Variants in CSMD3 observed in about 807,000 individuals in gnomAD.
The protein encoded by CSMD3 is CUB and Sushi multiple domains 3.
A neutral mutation model predicts 435.2 loss-of-function variants in CSMD3; 177 were observed. The ratio of observed to expected loss-of-function variants is 0.41; its 90% CI spans 0.36 to 0.46. CSMD3 has a LOEUF of 0.46. CSMD3 is among the 20% of genes least tolerant of loss of function. CSMD3 has a pLI of 0.34. For synonymous variants in CSMD3, 1,656 were observed against 1,520.5 expected (o/e 1.09, Z -2.07); for missense variants, 4,265 against 4,504.6 (o/e 0.95, Z 1.52).
intron 13 of CSMD3, among the ~76,000 whole-genome samples, chr8:112,717,112 T>C (rs1587061946): frequency 6.6e-6 from 1 of 152,062 alleles, no homozygotes; most frequent in Non-Finnish European, 1.5e-5. Flanking sequence ...CAAAAGAAAC[T>C]ATCATCAGAG....
chr8:112,549,946 TA>T (rs1318831036), intron 27 of CSMD3, among the ~76,000 whole-genome samples: 1 of 151,998 alleles, frequency 6.6e-6, no homozygotes, highest in Admixed American at 6.6e-5. Context: ...ACTATACAGA[TA>T]AAAAATCTAT....
chr8:112,350,864 C>A (rs1826076063), intron 40 of CSMD3, among the ~76,000 whole-genome samples: 2 of 151,822 alleles, frequency 1.3e-5, no homozygotes, highest in South Asian at 4.1e-4. Context: ...TTTTTCTGTT[C>A]AATAGATATA....
chr8:113,042,052 T>C (rs2087642962), intron 5 of CSMD3, among the ~76,000 whole-genome samples: 1 of 152,228 alleles, frequency 6.6e-6, no homozygotes, highest in Non-Finnish European at 1.5e-5. Flanking sequence ...AATTTTAATA[T>C]GTATCTACAA....
chr8:113,019,029 T>C (rs1384921016), intron 6 of CSMD3, 38 bp downstream of exon 6: 2 of 1,278,400 alleles, frequency 1.6e-6, no homozygotes, highest in East Asian at 2.3e-5. Flanking sequence ...AAAATTATTT[T>C]ACATATCAAA....
chr8:112,588,834 G>T (rs1830945494), intron 22 of CSMD3, among the ~76,000 whole-genome samples: 2 of 152,014 alleles, frequency 1.3e-5, no homozygotes, highest in Admixed American at 1.3e-4. Context: ...TCCATATAGT[G>T]CAACATAATG....
intron 63 of CSMD3, among the ~76,000 whole-genome samples, chr8:112,248,645 G>A (rs1351674443): frequency 6.6e-6 from 1 of 152,052 alleles, no homozygotes; most frequent in African/African-American, 2.4e-5. Flanking sequence ...CCCCTCTTGA[G>A]CGGACAATAA....
intron 1 of CSMD3, among the ~76,000 whole-genome samples, chr8:113,329,803 G>T (rs1448430210): frequency 1.3e-5 from 2 of 151,814 alleles, no homozygotes; most frequent in African/African-American, 4.8e-5. Context: ...ATGTTTAAAG[G>T]AATGAAACAA....
intron 3 of CSMD3, among the ~76,000 whole-genome samples, chr8:113,195,812 T>TACAC (rs1399362220): frequency 4.3e-4 from 60 of 139,548 alleles, no homozygotes; most frequent in African/African-American, 1.4e-3. Context: ...TATATATATA[T>TACAC]ATACACACAC....
intron 10 of CSMD3, among the ~76,000 whole-genome samples, chr8:112,920,564 A>G (rs2082703239): frequency 6.6e-6 from 1 of 151,906 alleles, no homozygotes; most frequent in Non-Finnish European, 1.5e-5. Flanking sequence ...CCTCAATGAT[A>G]TGGTTCTTGC....
intron 22 of CSMD3, among the ~76,000 whole-genome samples, chr8:112,613,317 T>G (rs1401587165): frequency 6.6e-6 from 1 of 152,114 alleles, no homozygotes; most frequent in Non-Finnish European, 1.5e-5. Context: ...CTTAAACTTC[T>G]TTGGAGAAAA....
intron 36 of CSMD3, among the ~76,000 whole-genome samples, chr8:112,390,342 A>T (rs1830307705): frequency 6.6e-6 from 1 of 152,198 alleles, no homozygotes; most frequent in South Asian, 2.1e-4. Flanking sequence ...CAACAGGCTG[A>T]GCATGGCAGA....
intron 5 of CSMD3, among the ~76,000 whole-genome samples, chr8:113,048,083 C>CTTTTTT (rs35254619): frequency 9.4e-6 from 1 of 106,950 alleles, no homozygotes; most frequent in Non-Finnish European, 1.8e-5. Flanking sequence ...AACTTCAATT[C>CTTTTTT]TTTTTTTTTT....
intron 2 of CSMD3, among the ~76,000 whole-genome samples, chr8:113,300,616 T>C (rs1297319682): frequency 6.6e-6 from 1 of 152,034 alleles, no homozygotes; most frequent in African/African-American, 2.4e-5. Flanking sequence ...ATATTCTCAC[T>C]TGTAAGGAAG....
At chr8:112,473,531 A>C (rs554214877) in intron 31 of CSMD3, among the ~76,000 whole-genome samples, 1 of 152,240 alleles carries the variant, frequency 6.6e-6, no homozygotes, top group Non-Finnish European at 1.5e-5. Context: ...AATCAGATAA[A>C]GATTGGGTAG....
chr8:112,526,831 G>A (rs558777508), intron 27 of CSMD3, among the ~76,000 whole-genome samples: 1 of 151,958 alleles, frequency 6.6e-6, no homozygotes, highest in African/African-American at 2.4e-5. Flanking sequence ...ACTGAAGAAG[G>A]AAATGGAAAT....
At chr8:112,231,250 T>C (rs1450970406) in intron 69 of CSMD3, among the ~76,000 whole-genome samples, 2 of 152,246 alleles carry the variant, frequency 1.3e-5, no homozygotes, top group Non-Finnish European at 2.9e-5. Flanking sequence ...TTTAATATTT[T>C]CTTTTTTATC....
intron 1 of CSMD3, among the ~76,000 whole-genome samples, chr8:113,426,403 A>T (rs145614584): frequency 0.01 from 1,542 of 151,474 alleles, 15 homozygotes; most frequent in Non-Finnish European, 0.017. Context: ...GTGGTACATT[A>T]TGTGTTATTT....
At position 113,314,681 on chromosome 8, in the gene CSMD3, T is replaced by C. The variant is rs1344930722; in HGVS notation, c.291A>G (p.Ala97=). The C allele has an allele frequency of 3.1e-6, 5 of 1,611,780 alleles. No homozygotes were observed. In the East Asian group the frequency reaches 1.1e-4, roughly 36 times the overall value. The change falls in exon 2 of 71, where the codon GCA becomes GCG. Residue 97 remains alanine, a synonymous_variant. Coordinates refer to ENST00000297405, the MANE Select transcript of CSMD3 (RefSeq NM_198123.2). The part of the protein sequence containing the change: ...NGANCTWVII[A]EERNRIQIVF... ...CAATTTGTATTCTATTTCGTTCTTCTGCTATTATTACCCATGTGCAGTTTG... is the reference window on the plus strand; with the variant it reads ...CAATTTGTATTCTATTTCGTTCTTCCGCTATTATTACCCATGTGCAGTTTG...
chr8:113,243,399 G>A (rs1481491903), intron 3 of CSMD3, among the ~76,000 whole-genome samples: 2 of 151,900 alleles, frequency 1.3e-5, no homozygotes, highest in East Asian at 3.9e-4. Context: ...CTGTTTTCAG[G>A]TTTTCAAGGT....
Sources: gnomAD v4.1 joint callset for allele counts (sites outside exome capture counted in the v4.1 genomes callset) on GRCh38, gnomAD v4.1.1 for gene constraint, MANE v1.5 for transcripts, NCBI Gene and HGNC (gene_info 2026-07-23, HGNC 2026-07-21) for gene names.